KCND2: variants seen among roughly 807,000 people sequenced by gnomAD.
The protein encoded by KCND2 is potassium voltage-gated channel subfamily D member 2.
A neutral mutation model predicts 54.4 loss-of-function variants in KCND2; 16 were observed. The ratio of observed to expected loss-of-function variants is 0.29; its 90% CI spans 0.20 to 0.45. The LOEUF (loss-of-function observed/expected upper bound fraction) is 0.45, where lower values mean the gene tolerates loss of function less well. Among genes scored for constraint, KCND2 ranks in the 20% least tolerant of loss-of-function variants. KCND2 has a pLI of 1.00. For synonymous variants in KCND2, 317 were observed against 310.7 expected, an observed-to-expected ratio of 1.02 and a Z score of -0.21; for missense variants, 486 against 824.2, an observed-to-expected ratio of 0.59 and a Z score of 5.02.
At chr7:120,395,096 A>G (rs1801134776) in intron 1 of KCND2, among the ~76,000 whole-genome samples, 1 of 152,042 alleles carries the variant, frequency 6.6e-6, no homozygotes, top group Admixed American at 6.6e-5. Flanking sequence ...GAAGAAGTTT[A>G]TTCTGTGAAA....
intron 1 of KCND2, among the ~76,000 whole-genome samples, chr7:120,285,695 TACATGTTG>T (rs1484035953): frequency 6.6e-6 from 1 of 151,912 alleles, no homozygotes; most frequent in Non-Finnish European, 1.5e-5. Flanking sequence ...CTTAGAAGTA[TACATGTTG>T]ATCTGTTGTC....
rs1391768860 is a variant in KCND2 at position 120,398,017 on chromosome 7, A to G, written c.1115+122270A>G. 1.9e-3 allele frequency among the ~76,000 whole-genome samples: 260 copies of G among 137,168 alleles called. 1 individual carries two copies. Among genetic ancestry groups the G allele is most frequent in the African/African-American group, 6.5e-3 (223 of 34,562 alleles). 90.0% of individuals were successfully genotyped at this position (137,168 alleles called of 152,430 possible). A position where few individuals can be genotyped will look rare whatever the true frequency, so the allele number is the denominator to read the frequency against. On this transcript the variant is annotated intron_variant, in intron 1 of 5. Transcript: ENST00000331113. ...TGTGTATATATATATATATATATAT[A>G]TATATATATATATATATATATTTGC...
At chr7:120,377,563 G>A (rs1365646395) in intron 1 of KCND2, among the ~76,000 whole-genome samples, 6 of 150,174 alleles carry the variant, frequency 4.0e-5, no homozygotes, top group African/African-American at 9.9e-5. Context: ...CTCACCCCAA[G>A]AAAAAAAAAA....
chr7:120,718,546 C>G (rs1179760184), intron 1 of KCND2, among the ~76,000 whole-genome samples: 3 of 152,066 alleles, frequency 2.0e-5, no homozygotes, highest in Non-Finnish European at 4.4e-5. Context: ...TTTTGCATGA[C>G]AAAAGTAAAG....
intron 1 of KCND2, among the ~76,000 whole-genome samples, chr7:120,482,440 G>T (rs1802619758): frequency 6.6e-6 from 1 of 152,156 alleles, no homozygotes; most frequent in African/African-American, 2.4e-5. Flanking sequence ...TTTGCATTGT[G>T]AGAAGGACAT....
chr7:120,324,049 G>A (rs1401302844), intron 1 of KCND2, among the ~76,000 whole-genome samples: 8 of 150,386 alleles, frequency 5.3e-5, no homozygotes, highest in African/African-American at 2.0e-4. Context: ...CTGATGGCCA[G>A]TGATGGTGAG....
chr7:120,528,241 T>A (rs775888941), intron 1 of KCND2, among the ~76,000 whole-genome samples: 3 of 152,108 alleles, frequency 2.0e-5, no homozygotes, highest in Non-Finnish European at 2.9e-5. Flanking sequence ...GAATTGAGAC[T>A]CTCAATTGTA....
chr7:120,698,335 G>A (rs1277343441), intron 1 of KCND2, among the ~76,000 whole-genome samples: 1 of 152,184 alleles, frequency 6.6e-6, no homozygotes, highest in Admixed American at 6.5e-5. Flanking sequence ...GAGCCAGGTG[G>A]TGGGCTTAAG....
intron 1 of KCND2, among the ~76,000 whole-genome samples, chr7:120,327,075 G>T (rs148129204): frequency 6.6e-6 from 1 of 152,166 alleles, no homozygotes; most frequent in East Asian, 1.9e-4. Context: ...CTTACACGTT[G>T]TAATAAACTA....
intron 1 of KCND2, 59 bp downstream of exon 1, chr7:120,275,806 C>T: frequency 6.4e-7 from 1 of 1,551,070 alleles, no homozygotes; most frequent in Non-Finnish European, 8.8e-7. Context: ...GATTGTGGAC[C>T]CATCGAGGTT....
chr7:120,518,369 T>G (rs1669027016), intron 1 of KCND2, among the ~76,000 whole-genome samples: 1 of 152,108 alleles, frequency 6.6e-6, no homozygotes, highest in Non-Finnish European at 1.5e-5. Context: ...TATTCACAAC[T>G]TAAACATAAA....
intron 1 of KCND2, among the ~76,000 whole-genome samples, chr7:120,421,013 T>A (rs1461356051): frequency 6.6e-6 from 1 of 152,220 alleles, no homozygotes; most frequent in African/African-American, 2.4e-5. Flanking sequence ...TTATTAATAA[T>A]GTGGCAAGTA....
At chr7:120,719,255 CA>C (rs1156611437) in intron 1 of KCND2, among the ~76,000 whole-genome samples, 1 of 152,144 alleles carries the variant, frequency 6.6e-6, no homozygotes, top group Non-Finnish European at 1.5e-5. Flanking sequence ...CCAAATGTTT[CA>C]AGGAATGTAC....
chr7:120,582,917 C>G (rs1466692926), intron 1 of KCND2, among the ~76,000 whole-genome samples: 3 of 151,324 alleles, frequency 2.0e-5, no homozygotes, highest in East Asian at 1.9e-4. Flanking sequence ...ACATTAGTTT[C>G]TCATCCTATC....
intron 1 of KCND2, among the ~76,000 whole-genome samples, chr7:120,407,047 G>A (rs1801370982): frequency 6.6e-6 from 1 of 151,660 alleles, no homozygotes; most frequent in South Asian, 2.1e-4. Flanking sequence ...AATATATTTG[G>A]GAAATTCTCA....
intron 1 of KCND2, among the ~76,000 whole-genome samples, chr7:120,559,027 A>C (rs1040016838): frequency 6.6e-6 from 1 of 150,788 alleles, no homozygotes; most frequent in South Asian, 2.1e-4. Context: ...CTGTGTGTGT[A>C]TGTGTGTGTG....
intron 1 of KCND2, among the ~76,000 whole-genome samples, chr7:120,384,845 G>A (rs1460028596): frequency 6.6e-6 from 1 of 152,084 alleles, no homozygotes; most frequent in Non-Finnish European, 1.5e-5. Flanking sequence ...CCATACACAA[G>A]GAGAACTTGT....
chr7:120,439,202 A>G (rs551910375), intron 1 of KCND2, among the ~76,000 whole-genome samples: 45 of 152,160 alleles, frequency 3.0e-4, no homozygotes, highest in African/African-American at 9.9e-4. Flanking sequence ...GAAATTAATT[A>G]AATTAGAATT....
intron 1 of KCND2, among the ~76,000 whole-genome samples, chr7:120,698,854 C>T (rs984439157): frequency 6.6e-6 from 1 of 152,138 alleles, no homozygotes; most frequent in African/African-American, 2.4e-5. Flanking sequence ...AAGAACATAC[C>T]ACTGTGACTT....
Sources: allele counts gnomAD v4.1 joint callset (sites outside exome capture counted in the v4.1 genomes callset), GRCh38; gene constraint gnomAD v4.1.1; transcripts MANE v1.5; gene names NCBI Gene and HGNC (gene_info 2026-07-23, HGNC 2026-07-21).